Variants in LRRC4C observed in about 807,000 individuals in gnomAD.
LRRC4C encodes leucine-rich repeat-containing protein 4C.
In LRRC4C, 5 loss-of-function variants were observed where a neutral mutation model predicts 33.6. The observed-to-expected ratio is 0.15, with a 90% confidence interval of 0.08 to 0.31. The LOEUF is 0.31. Among genes scored for constraint, LRRC4C ranks in the 10% least tolerant of loss-of-function variants. The pLI is 1.00. For synonymous variants in LRRC4C, 329 were observed against 302.0 expected, an observed-to-expected ratio of 1.09 and a Z score of -0.93; for missense variants, 560 against 796.7, an observed-to-expected ratio of 0.70 and a Z score of 3.58.
chr11:40,210,620 T>A (rs1179473486), intron 5 of LRRC4C, among the ~76,000 whole-genome samples: 2 of 152,146 alleles, frequency 1.3e-5, no homozygotes, highest in Non-Finnish European at 2.9e-5. Context: ...CTCCTACAAC[T>A]CACCCTTTCC....
intron 1 of LRRC4C, among the ~76,000 whole-genome samples, chr11:41,388,813 T>G (rs1263514850): frequency 6.6e-6 from 1 of 151,910 alleles, no homozygotes; most frequent in East Asian, 1.9e-4. Context: ...AAAGTGGCCC[T>G]TAGTAGTTCC....
At chr11:40,833,332 A>G (rs1401760069) in intron 2 of LRRC4C, among the ~76,000 whole-genome samples, 3 of 152,170 alleles carry the variant, frequency 2.0e-5, no homozygotes, top group African/African-American at 7.2e-5. Flanking sequence ...ATTGTATGAG[A>G]CATTGATAAA....
At chr11:40,561,248 C>T (rs1028285422) in intron 3 of LRRC4C, among the ~76,000 whole-genome samples, 1 of 152,048 alleles carries the variant, frequency 6.6e-6, no homozygotes, top group East Asian at 1.9e-4. Flanking sequence ...ACCACTCCTT[C>T]CCGTGTCACC....
At chr11:41,396,647 T>C (rs79507165) in intron 1 of LRRC4C, among the ~76,000 whole-genome samples, 5,271 of 152,074 alleles carry the variant, frequency 0.035, 323 homozygotes, top group African/African-American at 0.12. Context: ...ATGTGCAGGT[T>C]TGTTATACAG....
At chr11:40,381,924 A>G (rs1410918378) in intron 3 of LRRC4C, among the ~76,000 whole-genome samples, 1 of 148,998 alleles carries the variant, frequency 6.7e-6, no homozygotes, top group Non-Finnish European at 1.5e-5. Flanking sequence ...CAAATAAACA[A>G]TCATATGGAC....
At chr11:41,001,964 C>T (rs1854414616) in intron 1 of LRRC4C, among the ~76,000 whole-genome samples, 1 of 151,354 alleles carries the variant, frequency 6.6e-6, no homozygotes, top group East Asian at 1.9e-4. Context: ...TTACATTAAA[C>T]GAGGGAGTCA....
At chr11:41,257,298 C>G (rs571429923) in intron 1 of LRRC4C, among the ~76,000 whole-genome samples, 1 of 152,058 alleles carries the variant, frequency 6.6e-6, no homozygotes, top group Admixed American at 6.6e-5. Context: ...AAGAAATATA[C>G]TATAAAAAGT....
intron 1 of LRRC4C, among the ~76,000 whole-genome samples, chr11:40,976,739 A>G (rs376690410): frequency 6.6e-6 from 1 of 152,136 alleles, no homozygotes; most frequent in African/African-American, 2.4e-5. Flanking sequence ...AAAGAAAAAA[A>G]CAATGATTGA....
chr11:40,315,371 A>T (rs913259547), intron 4 of LRRC4C, among the ~76,000 whole-genome samples: 3 of 151,892 alleles, frequency 2.0e-5, no homozygotes, highest in African/African-American at 7.3e-5. Context: ...ATGTACCTAC[A>T]TGTCTATTTC....
chr11:40,932,659 A>G (rs372366602), intron 2 of LRRC4C, among the ~76,000 whole-genome samples: 9 of 152,312 alleles, frequency 5.9e-5, no homozygotes, highest in African/African-American at 2.2e-4. Flanking sequence ...GGTAAAGATA[A>G]AGAGATATTT....
At chr11:40,434,741 A>G (rs1464347467) in intron 3 of LRRC4C, among the ~76,000 whole-genome samples, 1 of 152,208 alleles carries the variant, frequency 6.6e-6, no homozygotes, top group African/African-American at 2.4e-5. Context: ...GGCACTTAAG[A>G]GGAAAAATAA....
At chr11:41,090,014 T>TA (rs1373273619) in intron 1 of LRRC4C, among the ~76,000 whole-genome samples, 4 of 133,116 alleles carry the variant, frequency 3.0e-5, no homozygotes, top group Non-Finnish European at 6.7e-5. Flanking sequence ...ATATTGATAT[T>TA]CAAAAAAAAA....
intron 1 of LRRC4C, among the ~76,000 whole-genome samples, chr11:41,192,564 G>T (rs913697812): frequency 6.6e-5 from 10 of 151,910 alleles, no homozygotes; most frequent in African/African-American, 2.4e-4. Flanking sequence ...TAAGAAAAAA[G>T]AAAAGAAAAT....
intron 1 of LRRC4C, among the ~76,000 whole-genome samples, chr11:41,361,179 A>C (rs143759116): frequency 6.6e-6 from 1 of 152,182 alleles, no homozygotes; most frequent in African/African-American, 2.4e-5. Flanking sequence ...CGATGATGTC[A>C]CAAGAGCATA....
intron 4 of LRRC4C, among the ~76,000 whole-genome samples, chr11:40,291,667 A>C (rs756614790): frequency 6.6e-5 from 10 of 152,134 alleles, no homozygotes; most frequent in African/African-American, 2.2e-4. Flanking sequence ...TTCCTTGCCC[A>C]AAAACCCACC....
chr11:40,734,894 G>A (rs1947778826), intron 2 of LRRC4C, among the ~76,000 whole-genome samples: 1 of 152,240 alleles, frequency 6.6e-6, no homozygotes, highest in African/African-American at 2.4e-5. Context: ...AATGGACAAA[G>A]TGAGGAAGAG....
chr11:41,007,286 T>C (rs528275093), intron 1 of LRRC4C, among the ~76,000 whole-genome samples: 3 of 152,042 alleles, frequency 2.0e-5, no homozygotes, highest in African/African-American at 4.8e-5. Context: ...GAAAAGGACA[T>C]TGAAATAGCT....
At chr11:41,244,971 A>G (rs1164776125) in intron 1 of LRRC4C, among the ~76,000 whole-genome samples, 3 of 152,192 alleles carry the variant, frequency 2.0e-5, no homozygotes, top group African/African-American at 7.2e-5. Flanking sequence ...TCACAGTCCC[A>G]TAGTAGAAAC....
At chr11:40,152,673 C>G (rs1230439412) in intron 5 of LRRC4C, among the ~76,000 whole-genome samples, 2 of 152,026 alleles carry the variant, frequency 1.3e-5, no homozygotes, top group East Asian at 3.9e-4. Flanking sequence ...CCAGCTTTCC[C>G]CCACTTAGCT....
Sources: allele counts gnomAD v4.1 joint callset (sites outside exome capture counted in the v4.1 genomes callset), GRCh38; gene constraint gnomAD v4.1.1; transcripts MANE v1.5; gene names NCBI Gene and HGNC (gene_info 2026-07-23, HGNC 2026-07-21).